The following ADCY3 variants were observed in gnomAD, a reference collection of about 807,000 sequenced individuals.
ADCY3 encodes the protein adenylate cyclase 3.
A neutral mutation model predicts 119.4 loss-of-function variants in ADCY3; 70 were observed. The observed-to-expected ratio is 0.59, with a 90% CI of 0.48 to 0.72. The LOEUF (loss-of-function observed/expected upper bound fraction) is 0.72, where lower values mean the gene tolerates loss of function less well. Among genes scored for constraint, ADCY3 ranks in the 30% least tolerant of loss-of-function variants. The pLI, the probability that ADCY3 is intolerant of heterozygous loss-of-function variation, is 0.00. For missense variants in ADCY3, 1,238 were observed against 1,541.6 expected, an observed-to-expected ratio of 0.80 and a Z score of 3.30; for synonymous variants, 672 against 621.4, an observed-to-expected ratio of 1.08 and a Z score of -1.21.
At chr2:24,822,115 T>C (rs1163982115) in intron 19 of ADCY3, 1 of 189,902 alleles carries the variant, frequency 5.3e-6, no homozygotes, top group Non-Finnish European at 1.1e-5. Flanking sequence ...CTACACCTAA[T>C]TTTCTCTCCT....
chr2:24,872,613 G>A lies in ADCY3; in HGVS notation c.782C>T (p.Ser261Leu), dbSNP rs750756120. Residue 261 changes from serine (S) to leucine (L), a missense_variant, in exon 3 of 22, where the codon TCG becomes TTG. By Grantham distance (145) the Ser-to-Leu change is moderately radical. Transcript: ENST00000679454. The surrounding 1 kb of genome is among the most constrained non-coding windows in gnomAD (Gnocchi z 4.4). Reference sequence around the variant, plus strand: ...TTCCAGGTTCATCTTCACCTCCAGCGACTGGCGGGCCTCCAGGAAGGCCTT... The same window carrying A: ...TTCCAGGTTCATCTTCACCTCCAGCAACTGGCGGGCCTCCAGGAAGGCCTT... ...HRKAFLEARQ[S>L]LEVKMNLEEQ... 4 of 1,614,074 alleles carry A rather than the reference G, an allele frequency of 2.5e-6. No individual in the cohort carries two copies. Among genetic ancestry groups the A allele is most frequent in the Non-Finnish European group, 3.4e-6 (4 of 1,180,052 alleles).
intron 3 of ADCY3, among the ~76,000 whole-genome samples, chr2:24,845,262 C>G (rs1351559392): frequency 6.6e-6 from 1 of 152,188 alleles, no homozygotes; most frequent in Non-Finnish European, 1.5e-5. Context: ...GAGGTCAGAA[C>G]AGTTTGGAGG....
chr2:24,834,985 G>A lies in ADCY3; in HGVS notation c.1663-49C>T. On this transcript the variant is annotated intron_variant, in intron 9 of 21. Coordinates refer to ENST00000679454, the MANE Select transcript of ADCY3 (RefSeq NM_004036.5). This position sits in a 1 kb window ranked among gnomAD's most constrained non-coding sequence, Gnocchi z 4.2. ...AGTGGGGCAGATGGGACAGAGTGGT[G>A]GGGAAGAGCTGGGAAAGACAGAGGT... 6.3e-7 allele frequency: 1 copy of A among 1,590,020 alleles called. No individual in the cohort carries two copies. Among genetic ancestry groups the A allele is most frequent in the Non-Finnish European group, 8.6e-7 (1 of 1,166,438 alleles).
At position 24,822,580 on chromosome 2, in the gene ADCY3, G is replaced by A. The variant is rs1179025594; in HGVS notation, c.2934C>T (p.Gly978=). ...CTCCTGAAGCCGCCATATACGTGCT[G>A]CCAATGGTTTTGATCTTGGTGATCA... The part of the protein sequence containing the change: ...FRVITKIKTI[G]STYMAASGVT... Residue 978 remains glycine, a synonymous_variant, in exon 19 of 22, where the codon GGC becomes GGT. Transcript: ENST00000679454. The A allele has an allele frequency of 2.5e-6, 4 of 1,614,004 alleles. No homozygotes were observed. The highest frequency in any genetic ancestry group is 2.2e-5 in the South Asian group (2 of 91,084).
At chr2:24,848,337 C>T (rs1671895766) in intron 3 of ADCY3, among the ~76,000 whole-genome samples, 1 of 152,198 alleles carries the variant, frequency 6.6e-6, no homozygotes, top group Non-Finnish European at 1.5e-5. Context: ...TTAATTCGGC[C>T]CATCCCTTCG....
At chr2:24,825,307 T>C (rs1158034258) in intron 16 of ADCY3, among the ~76,000 whole-genome samples, 1 of 139,250 alleles carries the variant, frequency 7.2e-6, no homozygotes, top group Non-Finnish European at 1.5e-5. Flanking sequence ...TTTTCCTTTT[T>C]TGTCCGGTTG....
rs1675203293 is a variant in ADCY3, at chr2:24,872,870, T to C, written c.676-151A>G. ...GTCCAGGGAGGGGCCCAGCACAGCC[T>C]TGGACCCCAGAGCCTCAGACACCAC... On this transcript the variant is annotated intron_variant, in intron 2 of 21. Coordinates refer to ENST00000679454, the MANE Select transcript of ADCY3 (RefSeq NM_004036.5). This position sits in a 1 kb window ranked among gnomAD's most constrained non-coding sequence, Gnocchi z 4.4. The C allele has an allele frequency of 3.4e-6, 3 of 889,362 alleles. No individual in the cohort carries two copies. Among genetic ancestry groups the C allele is most frequent in the Non-Finnish European group, 5.1e-6 (3 of 590,172 alleles). The allele number at this position is 889,362 out of a possible 1,614,324, so 55.1% of individuals were successfully genotyped here. A position where few individuals can be genotyped will look rare whatever the true frequency, so the allele number is the denominator to read the frequency against.
chr2:24,896,321 G>T (rs1450096931), intron 2 of ADCY3, among the ~76,000 whole-genome samples: 2 of 152,058 alleles, frequency 1.3e-5, no homozygotes, highest in Non-Finnish European at 2.9e-5. Flanking sequence ...GGAGGCAAAG[G>T]TTGCAGTGAG....
Position 24,834,979 on chromosome 2 carries a change from A to G in ADCY3, c.1663-43T>C. The G allele has an allele frequency of 6.3e-7, 1 of 1,595,870 alleles. No individual in the cohort carries two copies. Among genetic ancestry groups the G allele is most frequent in the Non-Finnish European group, 8.5e-7 (1 of 1,169,952 alleles). Reference sequence around the variant, plus strand: ...AGCGTGAGTGGGGCAGATGGGACAGAGTGGTGGGGAAGAGCTGGGAAAGAC... The same window carrying G: ...AGCGTGAGTGGGGCAGATGGGACAGGGTGGTGGGGAAGAGCTGGGAAAGAC... On this transcript the variant is annotated intron_variant, in intron 9 of 21. Coordinates refer to ENST00000679454, the MANE Select transcript of ADCY3 (RefSeq NM_004036.5). The surrounding 1 kb of genome is among the most constrained non-coding windows in gnomAD (Gnocchi z 4.2).
chr2:24,826,060 G>A lies in ADCY3; in HGVS notation c.2562C>T (p.Tyr854=), dbSNP rs1668575705. 6.2e-7 allele frequency: 1 copy of A among 1,614,108 alleles called. No homozygotes were observed. ...CGGCACTCACGTGGCGGGAGAAGTAGTAGAAGCTGAGCATCATGAGGAACA... is the reference window on the plus strand; with the variant it reads ...CGGCACTCACGTGGCGGGAGAAGTAATAGAAGCTGAGCATCATGAGGAACA... ...VMVFLMMLSF[Y]YFSRHVEKLA... is the part of the protein sequence containing the mutation. Residue 854 remains tyrosine (Y), a synonymous_variant, in exon 16 of 22, where the codon TAC becomes TAT. Coordinates refer to ENST00000679454, the MANE Select transcript of ADCY3 (RefSeq NM_004036.5).
chr2:24,890,839 T>C (rs1395768154), intron 2 of ADCY3, among the ~76,000 whole-genome samples: 1 of 152,186 alleles, frequency 6.6e-6, no homozygotes, highest in African/African-American at 2.4e-5. Flanking sequence ...GGTTTAAGCT[T>C]CTAAGGTAGA....
chr2:24,830,485 G>C (rs1349150251), intron 13 of ADCY3, among the ~76,000 whole-genome samples: 2 of 152,184 alleles, frequency 1.3e-5, no homozygotes. Flanking sequence ...CTCGGACTCT[G>C]GGAGAGGAGC....
chr2:24,825,334 CGGGGGGGG>C (rs768838126), intron 16 of ADCY3, among the ~76,000 whole-genome samples: 7 of 81,576 alleles, frequency 8.6e-5, no homozygotes, highest in Admixed American at 4.9e-4. Flanking sequence ...GTGGTTGTGG[CGGGGGGGG>C]GGGGGGTGCG....
At chr2:24,855,814 G>A (rs529997126) in intron 3 of ADCY3, among the ~76,000 whole-genome samples, 1 of 152,324 alleles carries the variant, frequency 6.6e-6, no homozygotes, top group African/African-American at 2.4e-5. Flanking sequence ...TCAGCTGAGA[G>A]CAGATGTGTT....
At chr2:24,857,550 TAAG>T (rs1465286246) in intron 3 of ADCY3, among the ~76,000 whole-genome samples, 1 of 152,180 alleles carries the variant, frequency 6.6e-6, no homozygotes, top group Non-Finnish European at 1.5e-5. Flanking sequence ...TCTAATTAAT[TAAG>T]TTTAATTTAA....
chr2:24,839,008 T>C, intron 7 of ADCY3: 1 of 849,650 alleles, frequency 1.2e-6, no homozygotes, highest in South Asian at 1.6e-5. Flanking sequence ...AGTGGCTTGA[T>C]CTTGGCTCAG....
chr2:24,876,723 A>C (rs73923456), intron 2 of ADCY3, among the ~76,000 whole-genome samples: 7,219 of 152,208 alleles, frequency 0.047, 543 homozygotes, highest in African/African-American at 0.16. Context: ...AAATGCATCC[A>C]TCAGGATCGC....
rs1049368201 is a variant in ADCY3 at position 24,914,020 on chromosome 2, T to G, written c.675+4293A>C. On this transcript the variant is annotated intron_variant, in intron 2 of 21. Transcript: ENST00000679454. Reference sequence around the variant, plus strand: ...ATTGTCCGCACTCATTGGCCGCTGGTCCTGCAGGTCCTGGTCCTGAGCCCA... The same window carrying G: ...ATTGTCCGCACTCATTGGCCGCTGGGCCTGCAGGTCCTGGTCCTGAGCCCA... Among the ~76,000 whole-genome samples, 50 of 147,686 alleles carry G rather than the reference T, an allele frequency of 3.4e-4. 1 individual carries two copies. The highest frequency in any genetic ancestry group is 1.2e-3 in the African/African-American group (46 of 39,956).
At position 24,916,572 on chromosome 2, in the gene ADCY3, C is replaced by T. The variant is rs114452256; in HGVS notation, c.675+1741G>A. 9.4e-3 allele frequency among the ~76,000 whole-genome samples: 1,432 copies of T among 152,310 alleles called. 25 individuals carry two copies. The highest frequency in any genetic ancestry group is 0.033 in the African/African-American group (1,384 of 41,558). On this transcript the variant is annotated intron_variant, in intron 2 of 21. Coordinates refer to ENST00000679454, the MANE Select transcript of ADCY3 (RefSeq NM_004036.5). The stretch of plus-strand genomic sequence containing the variant: ...AGGCGCGTGCCTGTCATCGCAGCTA[C>T]TCAGGAGGCTAAGGCAGAAGAATAG...
Sources: allele counts gnomAD v4.1 joint callset (sites outside exome capture counted in the v4.1 genomes callset), GRCh38; gene constraint gnomAD v4.1.1; non-coding constraint Gnocchi (gnomAD v3.1); transcripts MANE v1.5; gene names NCBI Gene and HGNC (gene_info 2026-07-23, HGNC 2026-07-21).